TASP1: variants seen among roughly 807,000 people sequenced by gnomAD.
TASP1 encodes the protein threonine aspartase 1.
TASP1 carries 16 observed loss-of-function variants against 56.6 expected under a neutral mutation model. That is an observed-to-expected ratio of 0.28 (90% CI 0.19 to 0.43). The LOEUF is 0.43. TASP1 is among the 20% of genes least tolerant of loss of function. The probability of loss-of-function intolerance (pLI) is 1.00; values close to 1 mark genes in which losing one functional copy is unlikely to be tolerated. For missense variants in TASP1, 393 were observed against 511.6 expected (o/e 0.77, Z 2.24); for synonymous variants, 179 against 184.2 (o/e 0.97, Z 0.23).
chr20:13,223,006 T>C, the TASP1 span, among the ~76,000 whole-genome samples: 26 of 151,910 alleles, frequency 1.7e-4, no homozygotes, highest in East Asian at 3.3e-3. Flanking sequence ...CTACTAAAAA[T>C]ACAAAAATTA....
chr20:13,174,850 C>T, the TASP1 span, among the ~76,000 whole-genome samples: 1 of 151,916 alleles, frequency 6.6e-6, no homozygotes, highest in Non-Finnish European at 1.5e-5. Flanking sequence ...TGTAATAATC[C>T]CCACATGTCA....
chr20:13,560,324 C>A (rs1351782410), intron 7 of TASP1, among the ~76,000 whole-genome samples: 3 of 152,114 alleles, frequency 2.0e-5, no homozygotes, highest in Non-Finnish European at 4.4e-5. Flanking sequence ...AAGCTAAATT[C>A]TTGGGTAAAC....
chr20:13,496,464 G>A (rs1290636850), intron 10 of TASP1, among the ~76,000 whole-genome samples: 2 of 148,620 alleles, frequency 1.3e-5, no homozygotes, highest in African/African-American at 4.9e-5. Flanking sequence ...AGATTATTAT[G>A]TTAAAATCAC....
chr20:13,190,678 G>T, the TASP1 span, among the ~76,000 whole-genome samples: 1 of 152,086 alleles, frequency 6.6e-6, no homozygotes, highest in Non-Finnish European at 1.5e-5. Context: ...TCTGGGGAAA[G>T]ATGTTTTGGG....
the TASP1 span, among the ~76,000 whole-genome samples, chr20:13,281,051 C>A: frequency 6.6e-6 from 1 of 152,212 alleles, no homozygotes; most frequent in Admixed American, 6.5e-5. Context: ...ACAGTCATTT[C>A]TTCTCATTAA....
the TASP1 span, among the ~76,000 whole-genome samples, chr20:13,308,651 G>A: frequency 6.6e-6 from 1 of 152,094 alleles, no homozygotes; most frequent in African/African-American, 2.4e-5. Context: ...AAATGATCTA[G>A]GCTATTCGTA....
the TASP1 span, among the ~76,000 whole-genome samples, chr20:13,282,252 T>A: frequency 6.6e-6 from 1 of 152,176 alleles, no homozygotes; most frequent in African/African-American, 2.4e-5. Flanking sequence ...CGAGGATGAC[T>A]TCATTGTTCA....
chr20:13,587,953 C>G (rs776145953), intron 4 of TASP1, among the ~76,000 whole-genome samples: 4 of 151,936 alleles, frequency 2.6e-5, no homozygotes, highest in Admixed American at 6.6e-5. Context: ...CAGTGAGACA[C>G]CATCTATACA....
chr20:13,351,213 C>T, the TASP1 span, among the ~76,000 whole-genome samples: 1 of 152,208 alleles, frequency 6.6e-6, no homozygotes, highest in African/African-American at 2.4e-5. Flanking sequence ...CTGGAACTCA[C>T]ATGCATTGCC....
At chr20:13,478,374 C>CAG (rs56698233) in intron 11 of TASP1, among the ~76,000 whole-genome samples, 1 of 151,408 alleles carries the variant, frequency 6.6e-6, no homozygotes, top group Admixed American at 6.6e-5. Flanking sequence ...CACACACACA[C>CAG]GAATACTATT....
chr20:13,570,818 T>C (rs1264475278), intron 6 of TASP1, among the ~76,000 whole-genome samples: 1 of 152,178 alleles, frequency 6.6e-6, no homozygotes, highest in Non-Finnish European at 1.5e-5. Flanking sequence ...TTAAGATGAC[T>C]GAAATAGGAG....
the TASP1 span, among the ~76,000 whole-genome samples, chr20:13,360,934 TGGC>T: frequency 1.3e-5 from 2 of 152,072 alleles, no homozygotes; most frequent in Non-Finnish European, 2.9e-5. Context: ...GATTTATTGA[TGGC>T]GGTTCCACCA....
At chr20:13,428,571 A>G (rs1203994953) in intron 12 of TASP1, among the ~76,000 whole-genome samples, 1 of 152,218 alleles carries the variant, frequency 6.6e-6, no homozygotes, top group Non-Finnish European at 1.5e-5. Flanking sequence ...TTCCAGGGAC[A>G]AGCATTTGCT....
intron 4 of TASP1, among the ~76,000 whole-genome samples, chr20:13,588,442 T>A (rs2047403343): frequency 6.6e-6 from 1 of 150,924 alleles, no homozygotes; most frequent in South Asian, 2.1e-4. Flanking sequence ...AAGAATCCAC[T>A]AAAAAAAAAT....
chr20:13,560,083 A>T (rs1180565837), intron 7 of TASP1, among the ~76,000 whole-genome samples: 1 of 152,218 alleles, frequency 6.6e-6, no homozygotes. Flanking sequence ...GCTTCAATCA[A>T]TCAATAAAAT....
chr20:13,182,570 C>T, the TASP1 span, among the ~76,000 whole-genome samples: 1 of 152,152 alleles, frequency 6.6e-6, no homozygotes, highest in African/African-American at 2.4e-5. Flanking sequence ...TAGGACCCTC[C>T]TCCTGCCCAA....
chr20:13,434,928 A>G (rs968063506), intron 12 of TASP1, 116 bp downstream of exon 12: 29 of 636,486 alleles, frequency 4.6e-5, no homozygotes, highest in Middle Eastern at 6.6e-4. Flanking sequence ...TCAGATATCA[A>G]TAAAGCATGC....
the TASP1 span, among the ~76,000 whole-genome samples, chr20:13,216,289 C>T: frequency 0.021 from 3,240 of 152,168 alleles, 69 homozygotes; most frequent in South Asian, 0.032. Flanking sequence ...ATGAGGCAGA[C>T]GAGGAAACTG....
intron 7 of TASP1, among the ~76,000 whole-genome samples, chr20:13,568,004 T>C (rs988464554): frequency 1.2e-4 from 19 of 152,326 alleles, no homozygotes; most frequent in East Asian, 1.2e-3. Context: ...ATAAGTTCCA[T>C]TGGAAAGACT....
Sources: gnomAD v4.1 joint callset for allele counts (sites outside exome capture counted in the v4.1 genomes callset) on GRCh38, gnomAD v4.1.1 for gene constraint, MANE v1.5 for transcripts, NCBI Gene and HGNC (gene_info 2026-07-23, HGNC 2026-07-21) for gene names.